Variants in MSRA observed in about 807,000 individuals in gnomAD.
MSRA encodes the protein mitochondrial peptide methionine sulfoxide reductase.
Under a neutral mutation model 31.3 loss-of-function variants are expected in MSRA, and 54 were observed. The observed-to-expected ratio is 1.73, with a 90% CI of 1.39 to 2.17. The LOEUF (loss-of-function observed/expected upper bound fraction) is 2.17, where lower values mean the gene tolerates loss of function less well. Ranked by LOEUF, MSRA falls within the 30% of genes most tolerant of loss-of-function variation. MSRA has a pLI of 0.00. For missense variants in MSRA, 507 were observed against 300.9 expected, an observed-to-expected ratio of 1.69 and a Z score of -5.07; for synonymous variants, 169 against 116.5, an observed-to-expected ratio of 1.45 and a Z score of -2.90.
intron 5 of MSRA, among the ~76,000 whole-genome samples, chr8:10,350,134 A>G (rs1265603303): frequency 6.6e-6 from 1 of 152,236 alleles, no homozygotes; most frequent in Admixed American, 6.5e-5. Flanking sequence ...ATTAGCCACA[A>G]TCTGGAGACC....
intron 5 of MSRA, among the ~76,000 whole-genome samples, chr8:10,347,647 A>G (rs1465436609): frequency 1.3e-5 from 2 of 151,944 alleles, no homozygotes; most frequent in African/African-American, 4.8e-5. Flanking sequence ...CCAAAGTTCC[A>G]CTTTGCTTAT....
intron 5 of MSRA, among the ~76,000 whole-genome samples, chr8:10,374,956 C>T (rs1805676273): frequency 6.6e-6 from 1 of 152,184 alleles, no homozygotes; most frequent in South Asian, 2.1e-4. Flanking sequence ...CTCTCTCTTG[C>T]TCCCTCTCTC....
intron 1 of MSRA, among the ~76,000 whole-genome samples, chr8:10,125,456 C>T (rs560636895): frequency 3.2e-4 from 48 of 152,316 alleles, no homozygotes; most frequent in African/African-American, 1.1e-3. Context: ...GAGTGAGAAT[C>T]ACCTGTGCAG....
At chr8:10,095,409 T>TG in intron 1 of MSRA, 2 of 912,080 alleles carry the variant, frequency 2.2e-6, no homozygotes, top group Non-Finnish European at 2.6e-6. Flanking sequence ...TGCCAGGATT[T>TG]GGGTACCGTA....
intron 2 of MSRA, among the ~76,000 whole-genome samples, chr8:10,236,250 C>T (rs1585237739): frequency 6.6e-6 from 1 of 152,176 alleles, no homozygotes; most frequent in Middle Eastern, 3.4e-3. Flanking sequence ...TATGGAAGGT[C>T]CTAGGCCAAT....
intron 3 of MSRA, among the ~76,000 whole-genome samples, chr8:10,259,690 G>A (rs1190010738): frequency 6.6e-6 from 1 of 152,132 alleles, no homozygotes; most frequent in African/African-American, 2.4e-5. Context: ...GGAAACCCAG[G>A]ACTAGGGTTT....
chr8:10,216,918 C>T (rs1810046911), intron 2 of MSRA, among the ~76,000 whole-genome samples: 1 of 152,180 alleles, frequency 6.6e-6, no homozygotes, highest in African/African-American at 2.4e-5. Context: ...TGGGTGTATA[C>T]CCAGAGATGG....
intron 1 of MSRA, among the ~76,000 whole-genome samples, chr8:10,189,283 ATGT>A (rs1480264836): frequency 6.6e-6 from 1 of 152,162 alleles, no homozygotes; most frequent in Non-Finnish European, 1.5e-5. Flanking sequence ...TTACACAATC[ATGT>A]TGTCTGCGTA....
At chr8:10,275,529 G>C (rs1442512549) in intron 3 of MSRA, among the ~76,000 whole-genome samples, 1 of 152,202 alleles carries the variant, frequency 6.6e-6, no homozygotes, top group African/African-American at 2.4e-5. Flanking sequence ...GTTCATTGGT[G>C]AAATAAGTAG....
chr8:10,338,248 C>G (rs942288510), intron 5 of MSRA, among the ~76,000 whole-genome samples: 2 of 151,970 alleles, frequency 1.3e-5, no homozygotes, highest in Non-Finnish European at 2.9e-5. Context: ...ATAAGGCAGG[C>G]ACAGAAAGAA....
intron 1 of MSRA, among the ~76,000 whole-genome samples, chr8:10,057,490 T>G (rs138562913): frequency 0.011 from 1,726 of 152,342 alleles, 7 homozygotes; most frequent in Non-Finnish European, 0.016. Flanking sequence ...CAGTCAGAAC[T>G]GATCTTATTT....
At chr8:10,357,995 T>C (rs1804608140) in intron 5 of MSRA, among the ~76,000 whole-genome samples, 2 of 152,260 alleles carry the variant, frequency 1.3e-5, no homozygotes, top group African/African-American at 4.8e-5. Flanking sequence ...CTATCTTGGC[T>C]CACTGCAACC....
intron 1 of MSRA, among the ~76,000 whole-genome samples, chr8:10,113,161 G>A (rs370930422): frequency 6.6e-5 from 10 of 152,008 alleles, no homozygotes; most frequent in African/African-American, 2.4e-4. Context: ...TAAATAATTT[G>A]TTGAGTGAAT....
intron 5 of MSRA, among the ~76,000 whole-genome samples, chr8:10,345,818 G>C (rs1249816920): frequency 6.6e-6 from 1 of 152,146 alleles, no homozygotes; most frequent in Non-Finnish European, 1.5e-5. Context: ...GAGACTAAAA[G>C]GTCAAATCTA....
At chr8:10,213,167 C>T (rs771207475) in intron 2 of MSRA, among the ~76,000 whole-genome samples, 12 of 152,084 alleles carry the variant, frequency 7.9e-5, no homozygotes, top group Admixed American at 3.3e-4. Flanking sequence ...CATCCATTAA[C>T]GATCCCCACC....
chr8:10,393,711 G>A (rs1156582378), intron 5 of MSRA, among the ~76,000 whole-genome samples: 2 of 152,178 alleles, frequency 1.3e-5, no homozygotes, highest in Non-Finnish European at 2.9e-5. Context: ...ACCTGCACAC[G>A]GGCAGCTTGT....
chr8:10,106,187 C>T (rs1353829232), intron 1 of MSRA, among the ~76,000 whole-genome samples: 2 of 152,118 alleles, frequency 1.3e-5, no homozygotes, highest in Non-Finnish European at 2.9e-5. Flanking sequence ...GAAGTCAGAC[C>T]TTGAGGTATG....
chr8:10,079,483 T>A (rs1217865483), intron 1 of MSRA, among the ~76,000 whole-genome samples: 2 of 152,098 alleles, frequency 1.3e-5, no homozygotes, highest in Admixed American at 6.6e-5. Context: ...TAAAGCTCAT[T>A]AATTACAGGA....
At chr8:10,199,039 T>A (rs1040819208) in intron 1 of MSRA, among the ~76,000 whole-genome samples, 2 of 152,224 alleles carry the variant, frequency 1.3e-5, no homozygotes, top group Non-Finnish European at 2.9e-5. Flanking sequence ...TGTGTATTTA[T>A]ATAATTAACA....
Sources: gnomAD v4.1 joint callset for allele counts (sites outside exome capture counted in the v4.1 genomes callset) on GRCh38, gnomAD v4.1.1 for gene constraint, MANE v1.5 for transcripts, NCBI Gene and HGNC (gene_info 2026-07-23, HGNC 2026-07-21) for gene names.